The following EYA1 variants were observed in gnomAD, a reference collection of about 807,000 sequenced individuals.
The protein encoded by EYA1 is protein phosphatase EYA1.
In EYA1, 16 loss-of-function variants were observed where a neutral mutation model predicts 82.0. That is an observed-to-expected ratio of 0.20 (90% CI 0.13 to 0.30). The LOEUF is 0.30. Among genes scored for constraint, EYA1 ranks in the 10% least tolerant of loss-of-function variants. The pLI is 1.00. For synonymous variants in EYA1, 261 were observed against 264.4 expected, an observed-to-expected ratio of 0.99 and a Z score of 0.12; for missense variants, 633 against 730.7, an observed-to-expected ratio of 0.87 and a Z score of 1.54.
chr8:71,339,514 G>A (rs146836811), intron 3 of EYA1, among the ~76,000 whole-genome samples: 89 of 151,696 alleles, frequency 5.9e-4, no homozygotes, highest in Middle Eastern at 3.4e-3. Context: ...TTTTTTCCAC[G>A]TTCCTTACGC....
intron 2 of EYA1, among the ~76,000 whole-genome samples, chr8:71,448,399 ATTG>A (rs1807071199): frequency 6.6e-6 from 1 of 152,150 alleles, no homozygotes; most frequent in Non-Finnish European, 1.5e-5. Flanking sequence ...TTATCGTAAG[ATTG>A]TAGCAACTCA....
intron 1 of EYA1, among the ~76,000 whole-genome samples, chr8:71,359,563 T>A (rs1827190618): frequency 6.6e-6 from 1 of 152,164 alleles, no homozygotes. Flanking sequence ...AGATCATGCA[T>A]GAAGCCAAAA....
At chr8:71,331,953 TC>T (rs2129044836) in intron 4 of EYA1, among the ~76,000 whole-genome samples, 1 of 152,306 alleles carries the variant, frequency 6.6e-6, no homozygotes, top group South Asian at 2.1e-4. Flanking sequence ...GCTCAAGTGA[TC>T]TTCCAGTCTC....
chr8:71,212,530 G>C (rs1172783935), intron 16 of EYA1, among the ~76,000 whole-genome samples: 1 of 152,208 alleles, frequency 6.6e-6, no homozygotes, highest in Non-Finnish European at 1.5e-5. Context: ...GTAATTTAAA[G>C]ATGAAGTTGT....
intron 11 of EYA1, among the ~76,000 whole-genome samples, chr8:71,257,371 T>TA (rs890966595): frequency 1.7e-4 from 26 of 152,068 alleles, no homozygotes; most frequent in African/African-American, 5.5e-4. Flanking sequence ...AATGAAAAGT[T>TA]AAAAAAAATA....
At chr8:71,365,089 A>C (rs369416141), upstream of EYA1, among the ~76,000 whole-genome samples, 193 of 151,122 alleles carry the variant, frequency 1.3e-3, 1 homozygote, top group African/African-American at 4.3e-3. Flanking sequence ...AAGGACAGAT[A>C]CAAGAAACTC....
chr8:71,335,792 C>T (rs1824414503), intron 3 of EYA1, among the ~76,000 whole-genome samples: 1 of 152,016 alleles, frequency 6.6e-6, no homozygotes, highest in Non-Finnish European at 1.5e-5. Flanking sequence ...ACCTTACCTC[C>T]TTAAAAACAC....
chr8:71,418,760 G>A (rs1040787611), intron 2 of EYA1, among the ~76,000 whole-genome samples: 1 of 152,180 alleles, frequency 6.6e-6, no homozygotes, highest in Admixed American at 6.5e-5. Context: ...TGTCCCAGAT[G>A]ACGATGAGTG....
At chr8:71,347,840 G>A (rs574462770) in intron 3 of EYA1, among the ~76,000 whole-genome samples, 2 of 133,282 alleles carry the variant, frequency 1.5e-5, no homozygotes, top group Admixed American at 1.7e-4. Context: ...GTGTTTGGTA[G>A]AGTCTGTCTA....
intron 2 of EYA1, among the ~76,000 whole-genome samples, chr8:71,425,147 G>A (rs1365267340): frequency 6.6e-6 from 1 of 150,818 alleles, no homozygotes; most frequent in Non-Finnish European, 1.5e-5. Flanking sequence ...GCCGGGCGTG[G>A]TGGCAGGCAC....
rs58345968 is a variant in EYA1, at chr8:71,303,315, TACACACACACAC to T, written c.557-3607_557-3596del. Among the ~76,000 whole-genome samples, 2 of 131,886 alleles carry T rather than the reference TACACACACACAC, an allele frequency of 1.5e-5. 1 individual carries two copies. The highest frequency in any genetic ancestry group is 3.4e-5 in the Non-Finnish European group (2 of 58,942). 86.5% of individuals were successfully genotyped at this position (131,886 alleles called of 152,430 possible). A position where few individuals can be genotyped will look rare whatever the true frequency, so the allele number is the denominator to read the frequency against. ...CTCTGTGATGTACGTACATTTGATATACACACACACACACACACACACATCCATGACTTACTA... is the reference window on the plus strand; with the variant it reads ...CTCTGTGATGTACGTACATTTGATATACACACACACATCCATGACTTACTA... On this transcript the variant is annotated intron_variant, in intron 7 of 17. Transcript: ENST00000340726.
intron 5 of EYA1, 38 bp from the exon 6 acceptor site, chr8:71,321,917 C>T: frequency 6.2e-7 from 1 of 1,613,680 alleles, no homozygotes; most frequent in Non-Finnish European, 8.5e-7. Context: ...AAAGCCCATG[C>T]ATTAGATGGA....
chr8:71,386,773 G>T (rs1828990408), intron 2 of EYA1, among the ~76,000 whole-genome samples: 1 of 152,184 alleles, frequency 6.6e-6, no homozygotes. Flanking sequence ...GCTTGCTCAT[G>T]CCTATATAAG....
chr8:71,323,600 C>T (rs546008791), intron 4 of EYA1, among the ~76,000 whole-genome samples: 1 of 152,352 alleles, frequency 6.6e-6, no homozygotes, highest in East Asian at 1.9e-4. Flanking sequence ...AGCTCCCAGA[C>T]TTCAAACATC....
chr8:71,478,629 A>G (rs116557303), intron 2 of EYA1, among the ~76,000 whole-genome samples: 4 of 152,290 alleles, frequency 2.6e-5, no homozygotes, highest in East Asian at 3.9e-4. Context: ...TACACTGCCT[A>G]CATGCTGTGG....
intron 11 of EYA1, among the ~76,000 whole-genome samples, chr8:71,264,129 G>A (rs559463284): frequency 5.9e-5 from 9 of 152,314 alleles, no homozygotes; most frequent in African/African-American, 2.2e-4. Flanking sequence ...GATCATCCTG[G>A]TTAAGTAACC....
intron 2 of EYA1, among the ~76,000 whole-genome samples, chr8:71,517,854 G>A (rs984122788): frequency 1.3e-4 from 20 of 151,114 alleles, no homozygotes; most frequent in Middle Eastern, 3.4e-3. Context: ...TTAAATTCCT[G>A]ATCAACATAT....
chr8:71,396,777 G>A (rs1378404997), intron 2 of EYA1, among the ~76,000 whole-genome samples: 1 of 152,234 alleles, frequency 6.6e-6, no homozygotes, highest in Non-Finnish European at 1.5e-5. Flanking sequence ...GACTTGGGGT[G>A]CAGAGTTCTG....
rs545127577 is a variant in EYA1, at chr8:71,541,078, G to A, written c.-72-5230C>T. ...AGGTGCCATGTCTGTCACCTCTTCT[G>A]TGCTTTCTTTGCCTTCCTAAGGAAT... is the stretch of plus-strand genomic sequence containing the variant. On this transcript the variant is annotated intron_variant, in intron 1 of 18. Transcript: ENST00000643681. Among the ~76,000 whole-genome samples, 21 of 152,246 alleles carry A rather than the reference G, an allele frequency of 1.4e-4. No homozygotes were observed. The South Asian group carries it at 4.1e-3, about 30-fold the overall frequency.
Sources: allele counts gnomAD v4.1 joint callset (sites outside exome capture counted in the v4.1 genomes callset), GRCh38; gene constraint gnomAD v4.1.1; transcripts MANE v1.5; gene names NCBI Gene and HGNC (gene_info 2026-07-23, HGNC 2026-07-21).